The following NEO1 variants were observed in gnomAD, a reference collection of about 807,000 sequenced individuals.
The protein encoded by NEO1 is neogenin.
NEO1 carries 63 observed loss-of-function variants against 159.7 expected under a neutral mutation model. The observed-to-expected ratio is 0.39, with a 90% CI of 0.32 to 0.49. The LOEUF (loss-of-function observed/expected upper bound fraction) is 0.49, where lower values mean the gene tolerates loss of function less well. Among genes scored for constraint, NEO1 ranks in the 20% least tolerant of loss-of-function variants. The pLI is 0.85. For missense variants in NEO1, 1,615 were observed against 1,831.0 expected (o/e 0.88, Z 2.15); for synonymous variants, 633 against 662.0 (o/e 0.96, Z 0.67).
At chr15:73,242,394 G>A (rs1043731921) in intron 8 of NEO1, among the ~76,000 whole-genome samples, 1 of 152,216 alleles carries the variant, frequency 6.6e-6, no homozygotes, top group African/African-American at 2.4e-5. Context: ...GGGACCAGGT[G>A]TGGTGGTTCA....
intron 23 of NEO1, 132 bp from the exon 24 acceptor site, chr15:73,288,181 G>T (rs1390334781): frequency 2.8e-6 from 2 of 707,026 alleles, no homozygotes; most frequent in South Asian, 1.7e-5. Flanking sequence ...TTGGGGGCAG[G>T]AGGTATGTTT....
intron 7 of NEO1, among the ~76,000 whole-genome samples, chr15:73,206,458 T>A (rs947321490): frequency 2.0e-5 from 3 of 152,206 alleles, no homozygotes. Context: ...CATAAAAGTT[T>A]GTCATAAGCA....
At chr15:73,221,857 G>A (rs1225360065) in intron 7 of NEO1, 3 of 153,538 alleles carry the variant, frequency 2.0e-5, no homozygotes, top group Non-Finnish European at 4.3e-5. Context: ...CTAGGAAAGG[G>A]AACTCCCTGA....
chr15:73,261,543 A>G (rs1263410177), intron 15 of NEO1, among the ~76,000 whole-genome samples: 3 of 152,200 alleles, frequency 2.0e-5, no homozygotes, highest in Non-Finnish European at 4.4e-5. Context: ...GCAGTTGGAA[A>G]TTGGAATTAA....
intron 1 of NEO1, among the ~76,000 whole-genome samples, chr15:73,074,617 A>C (rs1408083683): frequency 6.6e-6 from 1 of 152,204 alleles, no homozygotes; most frequent in East Asian, 1.9e-4. Flanking sequence ...GGACACAATT[A>C]ACAATTCCAG....
At chr15:73,212,541 C>A (rs1433201653) in intron 7 of NEO1, among the ~76,000 whole-genome samples, 1 of 152,076 alleles carries the variant, frequency 6.6e-6, no homozygotes, top group Non-Finnish European at 1.5e-5. Context: ...TGTATTCGAC[C>A]TTCCATGCTA....
intron 23 of NEO1, among the ~76,000 whole-genome samples, chr15:73,283,586 T>C (rs1484602037): frequency 6.6e-6 from 1 of 152,206 alleles, no homozygotes; most frequent in East Asian, 1.9e-4. Flanking sequence ...CAGTGTCTAG[T>C]ATTAGCTATA....
At chr15:73,169,643 C>CTCT in intron 5 of NEO1, among the ~76,000 whole-genome samples, 1 of 105,244 alleles carries the variant, frequency 9.5e-6, no homozygotes, top group East Asian at 3.1e-4. Context: ...CTCCCCCCTC[C>CTCT]TTTTTTTTTT....
At chr15:73,264,668 C>A (rs2040801587) in intron 15 of NEO1, among the ~76,000 whole-genome samples, 1 of 152,098 alleles carries the variant, frequency 6.6e-6, no homozygotes, top group Admixed American at 6.6e-5. Flanking sequence ...ATGCAGTTAG[C>A]AATTCATCTA....
Position 73,086,606 on chromosome 15 carries a change from G to A in NEO1, c.131-29934G>A, listed in dbSNP as rs1390417752. 2.6e-4 allele frequency among the ~76,000 whole-genome samples: 38 copies of A among 148,368 alleles called. 1 individual carries two copies. Among genetic ancestry groups the A allele is most frequent in the African/African-American group, 8.7e-4 (35 of 40,228 alleles). On this transcript the variant is annotated intron_variant, in intron 1 of 28. Transcript: ENST00000261908. Reference sequence around the variant, plus strand: ...GATGGAGTCTCACTCTGTCACCCAGGCTGGAGTGCAGCAGTGGCACAATCT... The same window carrying A: ...GATGGAGTCTCACTCTGTCACCCAGACTGGAGTGCAGCAGTGGCACAATCT...
chr15:73,279,628 C>T (rs1202160939), intron 22 of NEO1, among the ~76,000 whole-genome samples: 3 of 152,042 alleles, frequency 2.0e-5, no homozygotes, highest in Non-Finnish European at 2.9e-5. Flanking sequence ...GGATTACAGG[C>T]GTGAGCCACC....
At chr15:73,272,383 TG>T in intron 18 of NEO1, 71 bp from the exon 19 acceptor site, 1 of 1,146,386 alleles carries the variant, frequency 8.7e-7, no homozygotes, top group South Asian at 1.4e-5. Context: ...GCCTTACAAG[TG>T]GAAAAGGTTG....
chr15:73,119,624 C>G (rs1445970376), intron 2 of NEO1, among the ~76,000 whole-genome samples: 4 of 152,170 alleles, frequency 2.6e-5, no homozygotes, highest in Non-Finnish European at 4.4e-5. Context: ...CTGCAGTTCT[C>G]CAGAGGCAGC....
chr15:73,284,987 A>T (rs2041887121), intron 23 of NEO1, among the ~76,000 whole-genome samples: 2 of 152,076 alleles, frequency 1.3e-5, no homozygotes. Flanking sequence ...TTTATTTGGC[A>T]TTTAATATTT....
chr15:73,176,910 G>A (rs947510568), intron 6 of NEO1, among the ~76,000 whole-genome samples: 1 of 152,094 alleles, frequency 6.6e-6, no homozygotes, highest in Non-Finnish European at 1.5e-5. Flanking sequence ...ACAGCTCTCT[G>A]TTCAAGAAGC....
chr15:73,161,805 G>T (rs538818798), intron 5 of NEO1: 5 of 297,926 alleles, frequency 1.7e-5, no homozygotes, highest in Admixed American at 4.0e-5. Flanking sequence ...CAGAGATCTT[G>T]AATTACCTCC....
rs140169098 is a variant in NEO1, at chr15:73,193,633, T to C, written c.1291+15206T>C. On this transcript the variant is annotated intron_variant, in intron 7 of 28. Coordinates refer to ENST00000261908, the MANE Select transcript of NEO1 (RefSeq NM_002499.4). ...GCCTAAGACAATCCCCCAGCATAAT[T>C]ACCAAAAAGTGTCTCCTTTCACTTT... Among the ~76,000 whole-genome samples the C allele has an allele frequency of 2.8e-3, 411 of 148,698 alleles. 2 individuals carry two copies. The highest frequency in any genetic ancestry group is 9.9e-3 in the African/African-American group (397 of 40,102).
In NEO1 at chr15:73,189,672, G is replaced by A. The variant is rs549981210; in HGVS notation, c.1291+11245G>A. 1.3e-4 allele frequency among the ~76,000 whole-genome samples: 20 copies of A among 152,332 alleles called. No homozygotes were observed. In the South Asian group the frequency reaches 3.5e-3, roughly 27 times the overall value. On this transcript the variant is annotated intron_variant, in intron 7 of 28. Coordinates refer to ENST00000261908, the MANE Select transcript of NEO1 (RefSeq NM_002499.4). ...GCCATAGGCCAGCTGGCTAGTGCTG[G>A]GCTGCAAGAAGCTGCGTTGGAGCGT...
At chr15:73,197,705 G>T (rs2036614192) in intron 7 of NEO1, among the ~76,000 whole-genome samples, 1 of 131,086 alleles carries the variant, frequency 7.6e-6, no homozygotes, top group African/African-American at 2.8e-5. Context: ...TTTTGAGACA[G>T]AATCTCATTC....
Sources: allele counts gnomAD v4.1 joint callset (sites outside exome capture counted in the v4.1 genomes callset), GRCh38; gene constraint gnomAD v4.1.1; transcripts MANE v1.5; gene names NCBI Gene and HGNC (gene_info 2026-07-23, HGNC 2026-07-21).